GSE1: variants seen among roughly 807,000 people sequenced by gnomAD.
GSE1 encodes the protein genetic suppressor element 1.
In GSE1, 32 loss-of-function variants were observed where a neutral mutation model predicts 112.6. That is an observed-to-expected ratio of 0.28 (90% CI 0.21 to 0.38). The LOEUF (loss-of-function observed/expected upper bound fraction) is 0.38, where lower values mean the gene tolerates loss of function less well. Among genes scored for constraint, GSE1 ranks in the 10% least tolerant of loss-of-function variants. The pLI is 1.00. For synonymous variants in GSE1, 1,115 were observed against 735.6 expected (o/e 1.52, Z -8.35); for missense variants, 2,348 against 1,699.2 (o/e 1.38, Z -6.71).
intron 1 of GSE1, among the ~76,000 whole-genome samples, chr16:85,333,968 T>C (rs1184037914): frequency 1.3e-5 from 2 of 152,214 alleles, no homozygotes; most frequent in Non-Finnish European, 2.9e-5. Context: ...TCCTGCTAGA[T>C]ACTACTGTGA....
intron 1 of GSE1, among the ~76,000 whole-genome samples, chr16:85,271,267 C>T (rs1908804426): frequency 6.6e-6 from 1 of 152,186 alleles, no homozygotes; most frequent in Non-Finnish European, 1.5e-5. Flanking sequence ...ACCAGGGTGA[C>T]TGGCTGAAGC....
intron 1 of GSE1, among the ~76,000 whole-genome samples, chr16:85,629,883 G>C (rs1187413020): frequency 6.6e-6 from 1 of 152,218 alleles, no homozygotes; most frequent in Non-Finnish European, 1.5e-5. Context: ...AGCGTTGTGT[G>C]ACCAACTGTC....
intron 7 of GSE1, 74 bp downstream of exon 7, chr16:85,656,739 C>T (rs2051991524): frequency 2.1e-6 from 3 of 1,435,314 alleles, no homozygotes; most frequent in Non-Finnish European, 2.7e-6. Context: ...ATCGCAGCAC[C>T]TGCCGGTTGC....
intron 1 of GSE1, among the ~76,000 whole-genome samples, chr16:85,304,602 G>GGT (rs71952528): frequency 0.11 from 3,278 of 29,542 alleles, 165 homozygotes; most frequent in African/African-American, 0.22. Flanking sequence ...AGCCGGGGGC[G>GGT]GGGGGGTGGG....
chr16:85,304,601 C>CGA (rs1555557424), intron 1 of GSE1, among the ~76,000 whole-genome samples: 1 of 78,180 alleles, frequency 1.3e-5, no homozygotes, highest in Non-Finnish European at 2.5e-5. Context: ...AAGCCGGGGG[C>CGA]GGGGGGGTGG....
intron 2 of GSE1, among the ~76,000 whole-genome samples, chr16:85,424,765 A>G (rs1238487243): frequency 2.0e-5 from 3 of 152,186 alleles, no homozygotes; most frequent in African/African-American, 4.8e-5. Flanking sequence ...GCTCTGCGCC[A>G]TGGCACCCCC....
chr16:85,554,916 C>A, upstream of GSE1: 1 of 985,408 alleles, frequency 1.0e-6, no homozygotes, highest in Non-Finnish European at 1.2e-6. Flanking sequence ...AGGGGAGCAC[C>A]CTGCCTTCGG....
chr16:85,624,400 G>A (rs2048934303), intron 1 of GSE1, among the ~76,000 whole-genome samples: 1 of 152,224 alleles, frequency 6.6e-6, no homozygotes, highest in African/African-American at 2.4e-5. Flanking sequence ...CTCTGGCTGA[G>A]AGCTGTGGGA....
intron 2 of GSE1, among the ~76,000 whole-genome samples, chr16:85,533,006 G>A (rs1030539109): frequency 6.6e-6 from 1 of 152,206 alleles, no homozygotes; most frequent in Admixed American, 6.5e-5. Context: ...TGTTCTGCCG[G>A]AGGTGTCGGC....
At chr16:85,462,114 G>C (rs2049984707) in intron 2 of GSE1, among the ~76,000 whole-genome samples, 1 of 151,930 alleles carries the variant, frequency 6.6e-6, no homozygotes, top group Non-Finnish European at 1.5e-5. Context: ...AGGGCTGTGG[G>C]CACCGGAGCT....
intron 2 of GSE1, among the ~76,000 whole-genome samples, chr16:85,389,581 C>T (rs1240690720): frequency 6.6e-6 from 1 of 152,124 alleles, no homozygotes; most frequent in African/African-American, 2.4e-5. Flanking sequence ...AAAGCATCTT[C>T]CCGTGGCCAT....
At chr16:85,553,071 G>C (rs1323740937), upstream of GSE1, among the ~76,000 whole-genome samples, 1 of 151,914 alleles carries the variant, frequency 6.6e-6, no homozygotes, top group Non-Finnish European at 1.5e-5. Flanking sequence ...CCCCAAGTAA[G>C]ATGGGAGATT....
At chr16:85,640,834 C>T (rs1030424342) in intron 2 of GSE1, among the ~76,000 whole-genome samples, 45 of 152,376 alleles carry the variant, frequency 3.0e-4, no homozygotes, top group Admixed American at 1.4e-3. Context: ...GTCTGGAGCC[C>T]GTCTGTCTCC....
chr16:85,428,669 A>T (rs2049048274), intron 2 of GSE1, among the ~76,000 whole-genome samples: 2 of 152,184 alleles, frequency 1.3e-5, no homozygotes, highest in Admixed American at 1.3e-4. Context: ...CCTGGCTGAA[A>T]GGTAAGCCCT....
At chr16:85,631,416 GGT>G (rs2049530383) in intron 1 of GSE1, among the ~76,000 whole-genome samples, 1 of 152,264 alleles carries the variant, frequency 6.6e-6, no homozygotes, top group Non-Finnish European at 1.5e-5. Flanking sequence ...CTCTGCCGAA[GGT>G]GTGTGGGCTC....
intron 1 of GSE1, among the ~76,000 whole-genome samples, chr16:85,242,088 A>G (rs925860825): frequency 6.6e-6 from 1 of 152,064 alleles, no homozygotes; most frequent in Non-Finnish European, 1.5e-5. Context: ...CACGTCCCCA[A>G]GTGATTTGTG....
intron 2 of GSE1, among the ~76,000 whole-genome samples, chr16:85,486,006 G>C (rs983744427): frequency 1.3e-5 from 2 of 152,202 alleles, no homozygotes; most frequent in African/African-American, 4.8e-5. Flanking sequence ...AGCCTGCTAG[G>C]GGGTGTCATG....
chr16:85,553,747 A>G, upstream of GSE1, among the ~76,000 whole-genome samples: 1 of 152,128 alleles, frequency 6.6e-6, no homozygotes, highest in Non-Finnish European at 1.5e-5. Context: ...GGGTTTGGCA[A>G]GTGGCTTGGA....
At chr16:85,662,727 C>G (rs985900675) in intron 9 of GSE1, 3 of 485,284 alleles carry the variant, frequency 6.2e-6, no homozygotes, top group Non-Finnish European at 1.1e-5. Flanking sequence ...GGAGGGAGGT[C>G]TTGTCAGCCC....
Sources: gnomAD v4.1 joint callset for allele counts (sites outside exome capture counted in the v4.1 genomes callset) on GRCh38, gnomAD v4.1.1 for gene constraint, MANE v1.5 for transcripts, NCBI Gene and HGNC (gene_info 2026-07-23, HGNC 2026-07-21) for gene names.